Variants in THRB observed in about 807,000 individuals in gnomAD.
THRB encodes nuclear receptor subfamily 1 group A member 2.
THRB carries 12 observed loss-of-function variants against 47.8 expected under a neutral mutation model. That is an observed-to-expected ratio of 0.25 (90% CI 0.16 to 0.41). The LOEUF is 0.41. THRB is among the 10% of genes least tolerant of loss of function. The pLI is 1.00. For synonymous variants in THRB, 218 were observed against 212.2 expected, an observed-to-expected ratio of 1.03 and a Z score of -0.24; for missense variants, 348 against 589.2, an observed-to-expected ratio of 0.59 and a Z score of 4.24.
At chr3:24,449,396 A>T (rs1387611003) in intron 1 of THRB, among the ~76,000 whole-genome samples, 1 of 152,216 alleles carries the variant, frequency 6.6e-6, no homozygotes, top group Non-Finnish European at 1.5e-5. Context: ...TGGTTGACAG[A>T]AATGGGCATT....
chr3:24,182,067 G>A (rs1307373371), intron 5 of THRB, among the ~76,000 whole-genome samples: 1 of 152,144 alleles, frequency 6.6e-6, no homozygotes, highest in Non-Finnish European at 1.5e-5. Flanking sequence ...CGGGCGTGGT[G>A]GCGGGCGCCT....
intron 1 of THRB, among the ~76,000 whole-genome samples, chr3:24,426,327 T>C (rs1188917583): frequency 6.6e-6 from 1 of 151,898 alleles, no homozygotes; most frequent in African/African-American, 2.4e-5. Context: ...CACCACAATA[T>C]TGGTAGTTAT....
At chr3:24,337,122 G>C (rs940136222) in intron 2 of THRB, among the ~76,000 whole-genome samples, 178 bp downstream of exon 2, 1 of 152,014 alleles carries the variant, frequency 6.6e-6, no homozygotes, top group African/African-American at 2.4e-5. Context: ...TTGCTTTTCT[G>C]TTATGTTTTT....
At chr3:24,285,195 A>G (rs1318023330) in intron 3 of THRB, among the ~76,000 whole-genome samples, 1 of 149,436 alleles carries the variant, frequency 6.7e-6, no homozygotes, top group Admixed American at 6.6e-5. Flanking sequence ...ATGTCCAACA[A>G]TGATAGACTG....
intron 3 of THRB, among the ~76,000 whole-genome samples, chr3:24,279,878 A>G (rs1395312882): frequency 2.0e-5 from 3 of 152,186 alleles, no homozygotes; most frequent in East Asian, 1.9e-4. Flanking sequence ...TCCATGGACC[A>G]TGGTCCCCAA....
Position 24,119,781 on chromosome 3 carries a change from TA to T in THRB, c.*3102del. 1 of 152,280 alleles carries T rather than the reference TA, an allele frequency of 6.6e-6. No homozygotes were observed. Among genetic ancestry groups the T allele is most frequent in the Non-Finnish European group, 1.5e-5 (1 of 68,016 alleles). 9.4% of individuals were successfully genotyped at this position (152,280 alleles called of 1,614,324 possible). ...GCACGTGGTGTTTTGAGCAGAATCATAAAGAAGAAAACATCTTACTTTTTTC... is the reference window on the plus strand; with the variant it reads ...GCACGTGGTGTTTTGAGCAGAATCATAAGAAGAAAACATCTTACTTTTTTC... On this transcript the variant is annotated 3_prime_UTR_variant, in exon 11 of 11. Transcript: ENST00000646209.
intron 1 of THRB, among the ~76,000 whole-genome samples, chr3:24,356,837 G>A (rs183331515): frequency 3.3e-5 from 5 of 152,116 alleles, no homozygotes; most frequent in African/African-American, 7.2e-5. Context: ...AAGAAGGAAC[G>A]TACACAAAGG....
At chr3:24,344,998 G>T (rs2062918300) in intron 1 of THRB, among the ~76,000 whole-genome samples, 1 of 152,028 alleles carries the variant, frequency 6.6e-6, no homozygotes, top group African/African-American at 2.4e-5. Context: ...AAATCTCTTG[G>T]CTTGCTCCCT....
intron 2 of THRB, among the ~76,000 whole-genome samples, chr3:24,299,274 GA>G (rs988132860): frequency 5.9e-5 from 6 of 102,114 alleles, no homozygotes; most frequent in Admixed American, 9.8e-5. Context: ...AAAAAAAAAA[GA>G]AAAGTAATTC....
At chr3:24,176,768 A>G (rs897761163) in intron 5 of THRB, among the ~76,000 whole-genome samples, 2 of 152,208 alleles carry the variant, frequency 1.3e-5, no homozygotes, top group African/African-American at 4.8e-5. Context: ...ACTGAAAGAA[A>G]AATGGTTGCC....
intron 1 of THRB, among the ~76,000 whole-genome samples, chr3:24,394,940 A>C (rs2150016310): frequency 6.6e-6 from 1 of 152,286 alleles, no homozygotes; most frequent in Middle Eastern, 3.4e-3. Context: ...ACACTCTGGC[A>C]GAGAGCAGAA....
At chr3:24,192,792 T>A (rs1053825070) in intron 4 of THRB, among the ~76,000 whole-genome samples, 2 of 152,054 alleles carry the variant, frequency 1.3e-5, no homozygotes, top group Admixed American at 6.6e-5. Context: ...GCTGAGATGG[T>A]TTGGGAAAAG....
At chr3:24,287,906 C>T (rs2055493465) in intron 3 of THRB, among the ~76,000 whole-genome samples, 2 of 152,208 alleles carry the variant, frequency 1.3e-5, no homozygotes, top group African/African-American at 2.4e-5. Flanking sequence ...AAAGGAACAA[C>T]ATTTACTCAT....
intron 1 of THRB, among the ~76,000 whole-genome samples, chr3:24,387,084 A>G (rs1043802450): frequency 1.3e-5 from 2 of 152,116 alleles, no homozygotes; most frequent in Non-Finnish European, 2.9e-5. Flanking sequence ...TCTACATATA[A>G]TAATTGTCAA....
intron 5 of THRB, among the ~76,000 whole-genome samples, chr3:24,177,420 C>A (rs2041306178): frequency 6.6e-6 from 1 of 152,134 alleles, no homozygotes; most frequent in Non-Finnish European, 1.5e-5. Flanking sequence ...ACTTTTTATT[C>A]TCAGCATATA....
At chr3:24,263,883 A>C (rs961164279) in intron 3 of THRB, among the ~76,000 whole-genome samples, 1 of 152,200 alleles carries the variant, frequency 6.6e-6, no homozygotes, top group Non-Finnish European at 1.5e-5. Flanking sequence ...TAAGTACACA[A>C]GTCCTATGTC....
intron 4 of THRB, among the ~76,000 whole-genome samples, chr3:24,213,612 GCCCTAGCAAAGGATCCAGGA>G (rs2046281705): frequency 6.6e-6 from 1 of 152,146 alleles, no homozygotes; most frequent in Admixed American, 6.5e-5. Flanking sequence ...GTGGAGGGAG[GCCCTAGCAAAGGATCCAGGA>G]GCTTTAGTCA....
At chr3:24,326,747 C>T (rs1260345967) in intron 2 of THRB, among the ~76,000 whole-genome samples, 4 of 96,606 alleles carry the variant, frequency 4.1e-5, no homozygotes, top group African/African-American at 1.4e-4. Context: ...AGAAGCTGTC[C>T]AGTCTTGTCT....
chr3:24,303,063 T>G (rs1319921159), intron 2 of THRB, among the ~76,000 whole-genome samples: 7 of 152,372 alleles, frequency 4.6e-5, no homozygotes, highest in African/African-American at 1.7e-4. Flanking sequence ...ATTTCTCATT[T>G]GGTTGTATTC....
Sources: gnomAD v4.1 joint callset for allele counts (sites outside exome capture counted in the v4.1 genomes callset) on GRCh38, gnomAD v4.1.1 for gene constraint, MANE v1.5 for transcripts, NCBI Gene and HGNC (gene_info 2026-07-23, HGNC 2026-07-21) for gene names.